The following GLYR1 variants were observed in gnomAD, a reference collection of about 807,000 sequenced individuals.
GLYR1 encodes the protein glyoxylate reductase 1 homolog.
In GLYR1, 21 loss-of-function variants were observed where a neutral mutation model predicts 72.7. That is an observed-to-expected ratio of 0.29 (90% CI 0.20 to 0.42). The LOEUF is 0.42. GLYR1 is among the 10% of genes least tolerant of loss of function. The pLI is 1.00. For synonymous variants in GLYR1, 392 were observed against 270.2 expected (o/e 1.45, Z -4.42); for missense variants, 594 against 712.1 (o/e 0.83, Z 1.89).
chr16:4,821,791 G>A, intron 7 of GLYR1, 194 bp from the exon 8 acceptor site: 1 of 622,904 alleles, frequency 1.6e-6, no homozygotes, highest in South Asian at 1.9e-5. Context: ...AATTCTACCA[G>A]GTCTTTTTGC....
intron 3 of GLYR1, among the ~76,000 whole-genome samples, chr16:4,843,229 C>T (rs986358057): frequency 1.3e-5 from 2 of 152,150 alleles, no homozygotes; most frequent in South Asian, 2.1e-4. Context: ...TGCAGGGTCT[C>T]GAACAATCTC....
At chr16:4,814,453 G>T (rs2083500731) in intron 11 of GLYR1, 84 bp downstream of exon 11, 2 of 975,876 alleles carry the variant, frequency 2.0e-6, no homozygotes, top group Non-Finnish European at 3.3e-6. Context: ...ACACTCACTT[G>T]GTGTGCAGGG....
chr16:4,843,449 C>A (rs1257626642), intron 3 of GLYR1: 1 of 1,222,504 alleles, frequency 8.2e-7, no homozygotes, highest in Admixed American at 3.0e-5. Flanking sequence ...GGCACCATGC[C>A]CGGCCAAATC....
chr16:4,831,895 C>T, intron 5 of GLYR1, 84 bp downstream of exon 5: 2 of 1,524,308 alleles, frequency 1.3e-6, no homozygotes, highest in Non-Finnish European at 1.8e-6. Context: ...GATAAGCATA[C>T]TACATAAGCA....
intron 5 of GLYR1, among the ~76,000 whole-genome samples, chr16:4,831,523 C>T (rs17703674): frequency 0.078 from 11,905 of 152,304 alleles, 668 homozygotes; most frequent in Non-Finnish European, 0.12. Context: ...TGCCCTCCAT[C>T]TTTGGAATGC....
chr16:4,839,542 A>G (rs2085393207), intron 3 of GLYR1: 3 of 152,190 alleles, frequency 2.0e-5, no homozygotes, highest in African/African-American at 7.2e-5. Flanking sequence ...TGCTGAAATT[A>G]TATCCCCTTC....
chr16:4,821,475 C>T, intron 8 of GLYR1, 22 bp from the exon 9 acceptor site: 3 of 1,614,140 alleles, frequency 1.9e-6, no homozygotes, highest in Non-Finnish European at 2.5e-6. Context: ...AAGCACACAT[C>T]ATCAAGTCAG....
intron 6 of GLYR1, among the ~76,000 whole-genome samples, chr16:4,823,329 C>G (rs879365155): frequency 3.9e-5 from 6 of 152,218 alleles, no homozygotes; most frequent in Non-Finnish European, 5.9e-5. Flanking sequence ...GTACCAAGCC[C>G]TTGGCGATCT....
rs538993956 is a variant in GLYR1, at chr16:4,818,866, C to T, written c.807-1169G>A. 3.9e-5 allele frequency among the ~76,000 whole-genome samples: 6 copies of T among 152,286 alleles called. No individual in the cohort carries two copies. The South Asian group carries it at 1.2e-3, about 32-fold the overall frequency. On this transcript the variant is annotated intron_variant, in intron 9 of 15. Transcript: ENST00000321919. The stretch of plus-strand genomic sequence containing the variant: ...TGCCTGCCTTCCCCCAAACCTCTCA[C>T]TGTTCCCCCAGCCCTTCCTTCCACA...
chr16:4,846,079 T>C lies in GLYR1; in HGVS notation c.75+95A>G. 8.0e-6 allele frequency: 11 copies of C among 1,383,354 alleles called. No homozygotes were observed. The South Asian group carries it at 1.3e-4, about 16-fold the overall frequency. The allele number at this position is 1,383,354 out of a possible 1,614,324, so 85.7% of individuals were successfully genotyped here. ...AAGTGCCATCTGAATGAGCCCAATTTAACTCAATACTAGAAACTGAGAGGA... is the reference window on the plus strand; with the variant it reads ...AAGTGCCATCTGAATGAGCCCAATTCAACTCAATACTAGAAACTGAGAGGA... On this transcript the variant is annotated intron_variant, in intron 2 of 15. Coordinates refer to ENST00000321919, the MANE Select transcript of GLYR1 (RefSeq NM_032569.4).
Position 4,823,731 on chromosome 16 carries a change from CAAGA to C in GLYR1, c.624+86_624+89del. 4.0e-6 allele frequency: 4 copies of C among 991,114 alleles called. No individual in the cohort carries two copies. The Middle Eastern group carries it at 6.6e-4, about 164-fold the overall frequency. The allele number at this position is 991,114 out of a possible 1,614,324, so 61.4% of individuals were successfully genotyped here. A position where few individuals can be genotyped will look rare whatever the true frequency, so the allele number is the denominator to read the frequency against. On this transcript the variant is annotated intron_variant, in intron 6 of 15. Coordinates refer to ENST00000321919, the MANE Select transcript of GLYR1 (RefSeq NM_032569.4). ...GTAATAATAAATTAAGCCTCACACACAAGAAAGGGACAAAAAAAAAAAAAAAAAG... is the reference window on the plus strand; with the variant it reads ...GTAATAATAAATTAAGCCTCACACACAAGGGACAAAAAAAAAAAAAAAAAG...
chr16:4,847,115 T>A (rs1404991517), intron 1 of GLYR1, 113 bp downstream of exon 1: 27 of 1,016,832 alleles, frequency 2.7e-5, no homozygotes, highest in Non-Finnish European at 4.0e-5. Context: ...TCTCTTCCCC[T>A]CTCTCCGCGA....
intron 12 of GLYR1, among the ~76,000 whole-genome samples, chr16:4,812,618 G>C (rs990395722): frequency 2.2e-5 from 3 of 137,726 alleles, no homozygotes; most frequent in African/African-American, 2.7e-5. Context: ...TCAGCCTCCC[G>C]AGTAACTGGG....
chr16:4,808,179 T>G lies in GLYR1; in HGVS notation c.1588-2869A>C, dbSNP rs567183018. Among the ~76,000 whole-genome samples, 5 of 138,778 alleles carry G rather than the reference T, an allele frequency of 3.6e-5. No homozygotes were observed. The South Asian group carries it at 1.1e-3, about 30-fold the overall frequency. The allele number at this position is 138,778 out of a possible 152,430, so 91.0% of individuals were successfully genotyped here. ...TTAACCCAAGAGGTGGGGGCTGCAGTGAACTGAGATCATGTCACTGCACTC... is the reference window on the plus strand; with the variant it reads ...TTAACCCAAGAGGTGGGGGCTGCAGGGAACTGAGATCATGTCACTGCACTC... On this transcript the variant is annotated intron_variant, in intron 15 of 15. Transcript: ENST00000321919.
intron 5 of GLYR1, among the ~76,000 whole-genome samples, chr16:4,829,044 T>G (rs894964207): frequency 6.6e-6 from 1 of 152,040 alleles, no homozygotes; most frequent in African/African-American, 2.4e-5. Context: ...GTGGGTCAAT[T>G]TAGATCATGT....
chr16:4,847,266 C>G lies in GLYR1; in HGVS notation c.-1G>C. 6.2e-7 allele frequency: 1 copy of G among 1,610,428 alleles called. No homozygotes were observed. Among genetic ancestry groups the G allele is most frequent in the Non-Finnish European group, 8.5e-7 (1 of 1,179,080 alleles). Reference sequence around the variant, plus strand: ...CGAGCCGCAGACTCACAGCCGCCATCTTACCACCCAACCACCGCCGACGCA... The same window carrying G: ...CGAGCCGCAGACTCACAGCCGCCATGTTACCACCCAACCACCGCCGACGCA... On this transcript the variant is annotated 5_prime_UTR_variant, in exon 1 of 16. Transcript: ENST00000321919.
chr16:4,823,347 C>G (rs192084355), intron 6 of GLYR1, among the ~76,000 whole-genome samples: 1 of 152,248 alleles, frequency 6.6e-6, no homozygotes, highest in African/African-American at 2.4e-5. Flanking sequence ...TCTCATCTTA[C>G]TGAGCATATT....
chr16:4,846,260 C>G, intron 1 of GLYR1, 50 bp from the exon 2 acceptor site: 2 of 1,584,248 alleles, frequency 1.3e-6, no homozygotes, highest in African/African-American at 1.3e-5. Flanking sequence ...GCCAGTCCAT[C>G]TCCTTCAACC....
intron 6 of GLYR1, 51 bp from the exon 7 acceptor site, chr16:4,822,982 A>C: frequency 2.8e-5 from 42 of 1,483,270 alleles, no homozygotes; most frequent in Non-Finnish European, 3.9e-5. Context: ...ACCAAAGGTC[A>C]CTTCCTTCTC....
Sources: allele counts gnomAD v4.1 joint callset (sites outside exome capture counted in the v4.1 genomes callset), GRCh38; gene constraint gnomAD v4.1.1; transcripts MANE v1.5; gene names NCBI Gene and HGNC (gene_info 2026-07-23, HGNC 2026-07-21).